Variants in SYNE2 observed in about 807,000 individuals in gnomAD.
The protein encoded by SYNE2 is spectrin repeat containing nuclear envelope protein 2, also known as nesprin-2.
In SYNE2, 431 loss-of-function variants were observed where a neutral mutation model predicts 856.3. The ratio of observed to expected loss-of-function variants is 0.50; its 90% CI spans 0.47 to 0.55. SYNE2 has a LOEUF of 0.55. Ranked by LOEUF, SYNE2 falls within the 20% of genes least tolerant of loss-of-function variation. The probability of loss-of-function intolerance (pLI) is 0.00; values close to 1 mark genes in which losing one functional copy is unlikely to be tolerated. For synonymous variants in SYNE2, 2,923 were observed against 2,872.3 expected, an observed-to-expected ratio of 1.02 and a Z score of -0.56; for missense variants, 8,129 against 8,023.2, an observed-to-expected ratio of 1.01 and a Z score of -0.50.
chr14:64,167,435 C>T lies in SYNE2; in HGVS notation c.16760+48C>T, dbSNP rs186666541. Reference sequence around the variant, plus strand: ...GTTGTTTCAATTAAGGTAAAATTAACGGCTTCAGCTCGGGAATGGCATTGT... The same window carrying T: ...GTTGTTTCAATTAAGGTAAAATTAATGGCTTCAGCTCGGGAATGGCATTGT... On this transcript the variant is annotated intron_variant, in intron 91 of 115. Coordinates refer to ENST00000555002, the MANE Select transcript of SYNE2 (RefSeq NM_182914.3). 63 of 1,614,194 alleles carry T rather than the reference C, an allele frequency of 3.9e-5. No homozygotes were observed. The East Asian group carries it at 8.5e-4, about 22-fold the overall frequency.
chr14:64,011,318 C>T (rs2096843302), intron 32 of SYNE2, among the ~76,000 whole-genome samples: 1 of 152,180 alleles, frequency 6.6e-6, no homozygotes, highest in Admixed American at 6.5e-5. Context: ...GTCACAGTTG[C>T]TTAGATGTAA....
At chr14:64,075,834 C>G in intron 53 of SYNE2, 111 bp from the exon 54 acceptor site, 1 of 1,218,126 alleles carries the variant, frequency 8.2e-7, no homozygotes, top group South Asian at 1.2e-5. Flanking sequence ...TTTTGTCATG[C>G]AAACTGCACT....
chr14:63,939,347 C>T (rs4902256), intron 2 of SYNE2, among the ~76,000 whole-genome samples: 17,390 of 114,844 alleles, frequency 0.15, 2,017 homozygotes, highest in African/African-American at 0.32. Flanking sequence ...TTTTTTTTTT[C>T]TTTTTTTTTT....
intron 44 of SYNE2, 120 bp from the exon 45 acceptor site, chr14:64,030,896 T>G: frequency 1.3e-6 from 1 of 785,938 alleles, no homozygotes; most frequent in Non-Finnish European, 2.1e-6. Context: ...CTATGTGATA[T>G]GAGTTGTTAA....
In SYNE2 at chr14:63,993,777, G is replaced by A. The variant is rs571684170; in HGVS notation, c.2647-58G>A. ...CCAAAATTAGCTTAGAGGATTTTGA[G>A]GATTTGGCAGTAGAATGAGGCTTTT... On this transcript the variant is annotated intron_variant, in intron 21 of 115. Coordinates refer to ENST00000555002, the MANE Select transcript of SYNE2 (RefSeq NM_182914.3). The A allele has an allele frequency of 6.0e-6, 9 of 1,504,912 alleles. No homozygotes were observed. In the Admixed American group the frequency reaches 1.7e-4, roughly 28 times the overall value. 93.2% of individuals were successfully genotyped at this position (1,504,912 alleles called of 1,614,324 possible). A position where few individuals can be genotyped will look rare whatever the true frequency, so the allele number is the denominator to read the frequency against.
chr14:64,223,014 A>G (rs150118246), intron 112 of SYNE2, among the ~76,000 whole-genome samples, 175 bp from the exon 113 acceptor site: 3 of 152,336 alleles, frequency 2.0e-5, no homozygotes, highest in East Asian at 3.9e-4. Flanking sequence ...TACACTTGCT[A>G]TCTAAATAGT....
chr14:64,020,554 T>G (rs556306300), intron 35 of SYNE2, among the ~76,000 whole-genome samples: 68 of 152,354 alleles, frequency 4.5e-4, no homozygotes, highest in African/African-American at 1.5e-3. Flanking sequence ...ATTATATTTT[T>G]GTAGTCCTTT....
chr14:64,130,115 C>T lies in SYNE2; in HGVS notation c.14207C>T (p.Thr4736Ile), dbSNP rs141148067. The part of the protein sequence containing the change: ...RYTELSSPFV[T>I]ESQQDALLQG... ...ACAGAACTCAGCAGCCCTTTCGTCA[C>T]TGAGAGCCAGCAAGATGCTTTGTTG... Residue 4736 changes from threonine (T) to isoleucine (I), a missense_variant, in exon 76 of 116, where the codon ACT becomes ATT. Thr to Ile is a moderately conservative substitution (Grantham distance 89). This residue lies in a region of SYNE2 where 5,410 missense variants were observed against 5,284.8 expected (regional missense o/e 1.02). Transcript: ENST00000555002. The T allele has an allele frequency of 1.3e-4, 212 of 1,614,082 alleles. No homozygotes were observed. Among genetic ancestry groups the T allele is most frequent in the Non-Finnish European group, 1.7e-4 (205 of 1,180,040 alleles).
chr14:63,945,732 C>T (rs926397595), intron 6 of SYNE2, among the ~76,000 whole-genome samples: 1 of 152,102 alleles, frequency 6.6e-6, no homozygotes, highest in Non-Finnish European at 1.5e-5. Context: ...TCAAGTGATT[C>T]TCCGACCTCA....
intron 61 of SYNE2, among the ~76,000 whole-genome samples, chr14:64,094,368 G>C (rs2097658756): frequency 6.6e-6 from 1 of 152,002 alleles, no homozygotes; most frequent in Non-Finnish European, 1.5e-5. Flanking sequence ...TAAAAAAACA[G>C]TGTCCTGTGG....
chr14:63,949,874 T>A lies in SYNE2; in HGVS notation c.458T>A (p.Leu153Gln). Residue 153 changes from leucine (L) to glutamine (Q), a missense_variant, in exon 7 of 116, where the codon CTG becomes CAG. By Grantham distance (113) the Leu-to-Gln change is moderately radical. Coordinates refer to ENST00000555002, the MANE Select transcript of SYNE2 (RefSeq NM_182914.3). ...TLSCNYNQPSLDDVSVVDSSP... is the reference protein window; with the variant it reads ...TLSCNYNQPSQDDVSVVDSSP... ...TCTTGCAATTACAATCAGCCTTCCCTGGATGATGTGAGTGTGGTTGACTCA... is the reference window on the plus strand; with the variant it reads ...TCTTGCAATTACAATCAGCCTTCCCAGGATGATGTGAGTGTGGTTGACTCA... 1 of 1,614,174 alleles carries A rather than the reference T, an allele frequency of 6.2e-7. No homozygotes were observed. Among genetic ancestry groups the A allele is most frequent in the East Asian group, 2.2e-5 (1 of 44,882 alleles).
intron 45 of SYNE2, among the ~76,000 whole-genome samples, chr14:64,035,288 T>C (rs2153552797): frequency 6.6e-6 from 1 of 152,178 alleles, no homozygotes; most frequent in Non-Finnish European, 1.5e-5. Flanking sequence ...AACTACTTAC[T>C]GGAGAGTTTT....
At chr14:64,069,964 G>A (rs919965427) in intron 51 of SYNE2, among the ~76,000 whole-genome samples, 7 of 152,218 alleles carry the variant, frequency 4.6e-5, no homozygotes, top group African/African-American at 9.6e-5. Context: ...TACTGCAGCC[G>A]AGGGGTGGGC....
At chr14:63,896,425 A>G (rs1181705970) in intron 1 of SYNE2, among the ~76,000 whole-genome samples, 1 of 152,210 alleles carries the variant, frequency 6.6e-6, no homozygotes, top group Non-Finnish European at 1.5e-5. Context: ...GCTCCCTGGC[A>G]GCTGGACAGG....
At chr14:64,174,131 G>C (rs1372778407) in intron 94 of SYNE2, 2 of 448,508 alleles carry the variant, frequency 4.5e-6, no homozygotes, top group Non-Finnish European at 7.8e-6. Context: ...GAGTGCAGTG[G>C]TGTGATCTTG....
rs376781563 is a variant in SYNE2, at chr14:64,132,595, G to A, written c.14514+157G>A. Among the ~76,000 whole-genome samples the A allele has an allele frequency of 1.7e-4, 26 of 152,296 alleles. 1 individual carries two copies. Among genetic ancestry groups the A allele is most frequent in the Middle Eastern group, 3.4e-3 (1 of 294 alleles). ...GGACCCCTGCTCAGGTTCTGAGGCC[G>A]CTCCCTGAAGGAAAAGTTGGCTGGG... is the stretch of plus-strand genomic sequence containing the variant. On this transcript the variant is annotated intron_variant, in intron 77 of 115. Coordinates refer to ENST00000555002, the MANE Select transcript of SYNE2 (RefSeq NM_182914.3).
Position 63,888,334 on chromosome 14 carries a change from C to T in SYNE2, c.-51-20764C>T, listed in dbSNP as rs559709168. Among the ~76,000 whole-genome samples, 10 of 152,084 alleles carry T rather than the reference C, an allele frequency of 6.6e-5. No individual in the cohort carries two copies. In the East Asian group the frequency reaches 7.7e-4, roughly 12 times the overall value. ...TATCCCAGGCCTGGGTGGGGGGCAC[C>T]GTCCTTCACTGGCTAGCCAGCCAGC... On this transcript the variant is annotated intron_variant, in intron 1 of 115. Transcript: ENST00000555002.
Position 64,022,026 on chromosome 14 carries a change from A to G in SYNE2, c.5522A>G (p.Asn1841Ser). 6.2e-7 allele frequency: 1 copy of G among 1,613,524 alleles called. No individual in the cohort carries two copies. Among genetic ancestry groups the G allele is most frequent in the Non-Finnish European group, 8.5e-7 (1 of 1,179,666 alleles). Residue 1841 changes from asparagine (N) to serine (S), a missense_variant and splice_region_variant, in exon 37 of 116, where the codon AAT (asparagine) becomes AGT (serine). Physicochemically the swap from Asn to Ser is conservative, Grantham distance 46. Coordinates refer to ENST00000555002, the MANE Select transcript of SYNE2 (RefSeq NM_182914.3). ...VLQDHFSKLLNDQCKNFNDWF... is the reference protein window; with the variant it reads ...VLQDHFSKLLSDQCKNFNDWF... ...CAAGATCACTTTTCTAAGTTATTGA[A>G]TGGTGAGTGCAACATTTCTCTTATT...
intron 11 of SYNE2, among the ~76,000 whole-genome samples, chr14:63,974,292 C>T (rs1171261826): frequency 6.6e-6 from 1 of 152,098 alleles, no homozygotes; most frequent in African/African-American, 2.4e-5. Flanking sequence ...AGCGTGGCAC[C>T]AGCATCTGCT....
Sources: gnomAD v4.1 joint callset for allele counts (sites outside exome capture counted in the v4.1 genomes callset) on GRCh38, gnomAD v4.1.1 for gene constraint, gnomAD v4.1.1 regional missense constraint, MANE v1.5 for transcripts, NCBI Gene and HGNC (gene_info 2026-07-23, HGNC 2026-07-21) for gene names.